STEAP3: variants seen among roughly 807,000 people sequenced by gnomAD.
STEAP3 encodes STEAP3 metalloreductase.
A neutral mutation model predicts 34.9 loss-of-function variants in STEAP3; 35 were observed. The ratio of observed to expected loss-of-function variants is 1.00; its 90% CI spans 0.76 to 1.33. The LOEUF is 1.33. Ranked by LOEUF, STEAP3 falls within the 40% of genes most tolerant of loss-of-function variation. The pLI is 0.00. For missense variants in STEAP3, 652 were observed against 667.6 expected (o/e 0.98, Z 0.26); for synonymous variants, 281 against 301.6 (o/e 0.93, Z 0.71).
intron 5 of STEAP3, among the ~76,000 whole-genome samples, chr2:119,258,766 C>G (rs185290782): frequency 1.4e-5 from 2 of 145,642 alleles, no homozygotes; most frequent in South Asian, 2.3e-4. Flanking sequence ...CGGCACCACA[C>G]CTGGCTAATT....
intron 4 of STEAP3, among the ~76,000 whole-genome samples, chr2:119,253,220 T>C (rs1469417979): frequency 6.6e-6 from 1 of 152,190 alleles, no homozygotes; most frequent in Non-Finnish European, 1.5e-5. Context: ...CAGAGTCACA[T>C]GCCACTGGTG....
At position 119,250,927 on chromosome 2, in the gene STEAP3, G is replaced by C. The variant is rs139202795; in HGVS notation, c.1050+2721G>C. 3.5e-3 allele frequency among the ~76,000 whole-genome samples: 527 copies of C among 152,234 alleles called. 3 individuals are homozygous for C. The highest frequency in any genetic ancestry group is 0.012 in the African/African-American group (513 of 41,528). ...GACACCGAAGGCCTCTCATGCAAAGGGGCTTAAACTTGTTCTGCAGAGTTC... is the reference window on the plus strand; with the variant it reads ...GACACCGAAGGCCTCTCATGCAAAGCGGCTTAAACTTGTTCTGCAGAGTTC... On this transcript the variant is annotated intron_variant, in intron 4 of 5. Transcript: ENST00000393110.
In STEAP3 at chr2:119,230,951, T is replaced by C; in HGVS notation, c.-62T>C. On this transcript the variant is annotated 5_prime_UTR_variant, in exon 2 of 6. Transcript: ENST00000393110. The stretch of plus-strand genomic sequence containing the variant: ...TGGTTGGAGACTGAGCCAGAAAGGG[T>C]GGCTCACCTCACGGTGAGGCTGTCG... The C allele has an allele frequency of 1.2e-6, 2 of 1,610,068 alleles. No individual in the cohort carries two copies. The highest frequency in any genetic ancestry group is 4.5e-5 in the East Asian group (2 of 44,852).
intron 2 of STEAP3, among the ~76,000 whole-genome samples, chr2:119,237,628 G>T (rs1677128924): frequency 6.6e-6 from 1 of 152,162 alleles, no homozygotes; most frequent in East Asian, 1.9e-4. Context: ...AATGACATAG[G>T]CTCATGGAGC....
intron 5 of STEAP3, among the ~76,000 whole-genome samples, chr2:119,262,079 T>G (rs1327931315): frequency 6.6e-6 from 1 of 152,168 alleles, no homozygotes; most frequent in East Asian, 1.9e-4. Context: ...TGTGTGGTGT[T>G]CTGGGGCTTT....
intron 4 of STEAP3, among the ~76,000 whole-genome samples, chr2:119,250,773 G>C: frequency 6.6e-6 from 1 of 152,152 alleles, no homozygotes; most frequent in East Asian, 1.9e-4. Context: ...ATTCTGCCCT[G>C]ATGCAAATAC....
intron 1 of STEAP3, among the ~76,000 whole-genome samples, chr2:119,228,138 T>G (rs1211460820): frequency 6.6e-6 from 1 of 152,170 alleles, no homozygotes; most frequent in Non-Finnish European, 1.5e-5. Context: ...CTGCTTCCCA[T>G]TTCTATAAGC....
chr2:119,233,681 G>T (rs1349237592), intron 2 of STEAP3, among the ~76,000 whole-genome samples: 1 of 152,188 alleles, frequency 6.6e-6, no homozygotes, highest in Non-Finnish European at 1.5e-5. Flanking sequence ...ATCCAATGAG[G>T]TGACAGACAA....
intron 1 of STEAP3, among the ~76,000 whole-genome samples, chr2:119,227,844 T>TTTATTTA (rs1679090441): frequency 2.1e-5 from 1 of 47,188 alleles, no homozygotes; most frequent in Non-Finnish European, 5.2e-5. Flanking sequence ...TTATTTATTT[T>TTTATTTA]TTGGAGACAG....
chr2:119,253,077 T>A (rs191764438), intron 4 of STEAP3, among the ~76,000 whole-genome samples: 1 of 152,358 alleles, frequency 6.6e-6, no homozygotes, highest in African/African-American at 2.4e-5. Flanking sequence ...GAGACCTCTC[T>A]GCCCTCTGCA....
In STEAP3 at chr2:119,263,312, C is replaced by G; in HGVS notation, c.1471C>G (p.Leu491Val). The change falls in exon 6 of 6, where the codon CTG becomes GTG. Residue 491 changes from leucine (L) to valine (V), a missense_variant. Transcript: ENST00000393110. ...IKFTLPTDHA[L>V]AEKTSHV is the part of the protein sequence containing the mutation. ...GTTCACGCTGCCCACAGACCACGCC[C>G]TGGCCGAGAAGACGAGCCACGTATG... is the stretch of plus-strand genomic sequence containing the variant. 2 of 1,613,522 alleles carry G rather than the reference C, an allele frequency of 1.2e-6. No homozygotes were observed. The highest frequency in any genetic ancestry group is 2.2e-5 in the East Asian group (1 of 44,840).
chr2:119,226,675 C>A (rs939790811), intron 1 of STEAP3, among the ~76,000 whole-genome samples: 3 of 152,114 alleles, frequency 2.0e-5, no homozygotes. Flanking sequence ...ACCCACCTGT[C>A]CAACACAGCC....
Position 119,247,812 on chromosome 2 carries a change from T to G in STEAP3, c.656T>G (p.Leu219Arg). Residue 219 changes from leucine (L) to arginine (R), a missense_variant, in exon 4 of 6, where the codon CTC (leucine) becomes CGC (arginine). By Grantham distance (102) the Leu-to-Arg change is moderately radical (BLOSUM62 -2). Transcript: ENST00000393110. ...GTGGAGGCCATGCCCCTGCGCCTCC[T>G]CCCGGCCTGGAAGGTGCCCACCCTG... ...WEVEAMPLRL[L>R]PAWKVPTLLA... 6.2e-7 allele frequency: 1 copy of G among 1,612,242 alleles called. No homozygotes were observed. Among genetic ancestry groups the G allele is most frequent in the Non-Finnish European group, 8.5e-7 (1 of 1,179,960 alleles).
Position 119,254,723 on chromosome 2 carries a change from G to C in STEAP3, c.1090G>C (p.Val364Leu). The C allele has an allele frequency of 6.2e-7, 1 of 1,614,114 alleles. No individual in the cohort carries two copies. Among genetic ancestry groups the C allele is most frequent in the East Asian group, 2.2e-5 (1 of 44,876 alleles). ...GAGCCACCTCTGGGTGGAGGAGGAG[G>C]TCTGGCGGATGGAGATCTACCTCTC... ...NKSHLWVEEE[V>L]WRMEIYLSLG... Residue 364 changes from valine to leucine, a missense_variant, in exon 5 of 6, where the codon GTC (valine) becomes CTC (leucine). Val to Leu is a conservative substitution (Grantham distance 32). Coordinates refer to ENST00000393110, the MANE Select transcript of STEAP3 (RefSeq NM_182915.3).
chr2:119,226,641 C>T (rs1679048478), intron 1 of STEAP3, among the ~76,000 whole-genome samples: 1 of 152,120 alleles, frequency 6.6e-6, no homozygotes, highest in East Asian at 1.9e-4. Context: ...CTCTTCCTCC[C>T]ATCTGTCTCC....
chr2:119,244,031 A>G (rs1677330189), intron 2 of STEAP3, among the ~76,000 whole-genome samples: 1 of 152,218 alleles, frequency 6.6e-6, no homozygotes. Flanking sequence ...ACTTCTGCTC[A>G]GAATAATGTT....
intron 5 of STEAP3, among the ~76,000 whole-genome samples, chr2:119,259,331 C>T (rs1265662365): frequency 6.6e-6 from 1 of 152,206 alleles, no homozygotes; most frequent in Non-Finnish European, 1.5e-5. Context: ...AATCCCTCTC[C>T]TTTTGGGCTT....
chr2:119,227,251 T>C lies in STEAP3; in HGVS notation c.-394+3363T>C, dbSNP rs560261349. Among the ~76,000 whole-genome samples the C allele has an allele frequency of 9.9e-5, 15 of 152,250 alleles. No individual in the cohort carries two copies. In the East Asian group the frequency reaches 2.9e-3, roughly 29 times the overall value. ...CCCCTCACCCACTGAGCTGGAGGGATCAACCACTGTGCCTGCCATCAGGGC... is the reference window on the plus strand; with the variant it reads ...CCCCTCACCCACTGAGCTGGAGGGACCAACCACTGTGCCTGCCATCAGGGC... On this transcript the variant is annotated intron_variant, in intron 1 of 5. Coordinates refer to ENST00000393110, the MANE Select transcript of STEAP3 (RefSeq NM_182915.3).
At chr2:119,230,239 G>T (rs895092787) in intron 1 of STEAP3, among the ~76,000 whole-genome samples, 2 of 152,152 alleles carry the variant, frequency 1.3e-5, no homozygotes, top group African/African-American at 2.4e-5. Context: ...TGGGCTGCCG[G>T]TGTGGCCTCC....
Sources: gnomAD v4.1 joint callset for allele counts (sites outside exome capture counted in the v4.1 genomes callset) on GRCh38, gnomAD v4.1.1 for gene constraint, MANE v1.5 for transcripts, NCBI Gene and HGNC (gene_info 2026-07-23, HGNC 2026-07-21) for gene names.